Variants in MINDY3 observed in about 807,000 individuals in gnomAD.
MINDY3 encodes the protein MINDY lysine 48 deubiquitinase 3.
MINDY3 carries 38 observed loss-of-function variants against 69.2 expected under a neutral mutation model. That is an observed-to-expected ratio of 0.55 (90% CI 0.42 to 0.72). MINDY3 has a LOEUF of 0.72. MINDY3 is among the 30% of genes least tolerant of loss of function. The probability of loss-of-function intolerance (pLI) is 0.00; values close to 1 mark genes in which losing one functional copy is unlikely to be tolerated. For missense variants in MINDY3, 522 were observed against 519.0 expected, an observed-to-expected ratio of 1.01 and a Z score of -0.06; for synonymous variants, 192 against 180.1, an observed-to-expected ratio of 1.07 and a Z score of -0.53.
intron 6 of MINDY3, among the ~76,000 whole-genome samples, chr10:15,835,018 A>C (rs1832980459): frequency 6.6e-6 from 1 of 152,090 alleles, no homozygotes; most frequent in African/African-American, 2.4e-5. Context: ...ATACATACAC[A>C]CATGAATATC....
At chr10:15,815,643 G>A (rs997143565) in intron 10 of MINDY3, among the ~76,000 whole-genome samples, 8 of 152,114 alleles carry the variant, frequency 5.3e-5, no homozygotes, top group South Asian at 4.1e-4. Flanking sequence ...GATGTTTAAC[G>A]TATGTTTCTT....
chr10:15,799,962 A>AACTT (rs1034017404), intron 10 of MINDY3, among the ~76,000 whole-genome samples: 2 of 152,086 alleles, frequency 1.3e-5, no homozygotes, highest in Non-Finnish European at 2.9e-5. Context: ...AAATATTGAA[A>AACTT]ACTTATGGAA....
intron 12 of MINDY3, among the ~76,000 whole-genome samples, chr10:15,788,003 T>G (rs1020554538): frequency 1.3e-5 from 2 of 152,120 alleles, no homozygotes; most frequent in African/African-American, 4.8e-5. Flanking sequence ...AACTTCATGA[T>G]TCAAGGTACG....
chr10:15,789,962 G>A (rs1837288205), intron 11 of MINDY3, among the ~76,000 whole-genome samples: 1 of 152,264 alleles, frequency 6.6e-6, no homozygotes, highest in East Asian at 1.9e-4. Context: ...TCCTTGTGGG[G>A]TAGTTTGAAA....
intron 5 of MINDY3, chr10:15,837,524 T>C: frequency 1.4e-6 from 2 of 1,447,626 alleles, no homozygotes; most frequent in African/African-American, 2.8e-5. Flanking sequence ...ATATTTATCA[T>C]TAAGAAAGAA....
chr10:15,846,374 C>G (rs1363241991), intron 2 of MINDY3, among the ~76,000 whole-genome samples: 2 of 152,108 alleles, frequency 1.3e-5, no homozygotes, highest in African/African-American at 2.4e-5. Flanking sequence ...ATGGACATAA[C>G]AAGGAATCTT....
At chr10:15,788,368 G>T (rs1837138723) in intron 12 of MINDY3, among the ~76,000 whole-genome samples, 1 of 152,032 alleles carries the variant, frequency 6.6e-6, no homozygotes, top group African/African-American at 2.4e-5. Flanking sequence ...ATTCAGATGT[G>T]GCTAGTTTAT....
chr10:15,790,191 T>C (rs1022705922), intron 11 of MINDY3, among the ~76,000 whole-genome samples: 13 of 152,108 alleles, frequency 8.5e-5, no homozygotes, highest in Non-Finnish European at 5.9e-5. Flanking sequence ...GCAGTTGCTC[T>C]TTCAGGGTGT....
chr10:15,807,830 A>T (rs1306177194), intron 10 of MINDY3, among the ~76,000 whole-genome samples: 1 of 152,246 alleles, frequency 6.6e-6, no homozygotes, highest in Non-Finnish European at 1.5e-5. Context: ...CACAAAAACC[A>T]GAATATACAA....
rs532119215 is a variant in MINDY3 at position 15,859,841 on chromosome 10, G to C, written c.94+365C>G. 9.2e-5 allele frequency among the ~76,000 whole-genome samples: 14 copies of C among 152,316 alleles called. No individual in the cohort carries two copies. The South Asian group carries it at 1.2e-3, about 14-fold the overall frequency. ...CACCACCAATAGACAGCTCTGTTAGGGGGTAAAGATGCGGAAGGCCACAGC... is the reference window on the plus strand; with the variant it reads ...CACCACCAATAGACAGCTCTGTTAGCGGGTAAAGATGCGGAAGGCCACAGC... On this transcript the variant is annotated intron_variant, in intron 1 of 14. Transcript: ENST00000277632.
chr10:15,812,211 G>T (rs1178929132), intron 10 of MINDY3, among the ~76,000 whole-genome samples: 3 of 152,094 alleles, frequency 2.0e-5, no homozygotes, highest in African/African-American at 4.8e-5. Context: ...AAAGTGTTAG[G>T]ATTACAGGCA....
At chr10:15,779,568 AG>A (rs1030870613) in intron 14 of MINDY3, among the ~76,000 whole-genome samples, 1 of 152,188 alleles carries the variant, frequency 6.6e-6, no homozygotes, top group African/African-American at 2.4e-5. Flanking sequence ...AAAGGAATAT[AG>A]CTATTATGTT....
intron 9 of MINDY3, among the ~76,000 whole-genome samples, chr10:15,818,276 C>T (rs990838568): frequency 6.6e-6 from 1 of 151,404 alleles, no homozygotes; most frequent in African/African-American, 2.4e-5. Flanking sequence ...AGATATTAAC[C>T]TTTCTTTCAG....
chr10:15,796,136 G>C lies in MINDY3; in HGVS notation c.919C>G (p.Gln307Glu), dbSNP rs1281635881. ...TAGGTTTGAAAAACTCTTCTGGCTT[G>C]TTCTGAAGGAGCTTCAGGGGCAACT... ...ALVAPEAPSE[Q>E]ARRVFQTYDP... Residue 307 changes from glutamine (Q) to glutamate (E), a missense_variant, in exon 11 of 15, where the codon CAA (glutamine) becomes GAA (glutamate). Physicochemically the swap from Gln to Glu is conservative, Grantham distance 29 (BLOSUM62 2). Coordinates refer to ENST00000277632, the MANE Select transcript of MINDY3 (RefSeq NM_024948.4). 1 of 1,612,706 alleles carries C rather than the reference G, an allele frequency of 6.2e-7. No individual in the cohort carries two copies. Among genetic ancestry groups the C allele is most frequent in the South Asian group, 1.1e-5 (1 of 90,984 alleles).
At chr10:15,797,798 G>A (rs1029158165) in intron 10 of MINDY3, among the ~76,000 whole-genome samples, 1 of 152,110 alleles carries the variant, frequency 6.6e-6, no homozygotes, top group Non-Finnish European at 1.5e-5. Flanking sequence ...AGCAATTGCT[G>A]ACATGTGGGT....
intron 8 of MINDY3, among the ~76,000 whole-genome samples, chr10:15,827,538 G>A (rs546947355): frequency 7.9e-5 from 11 of 139,388 alleles, no homozygotes; most frequent in East Asian, 5.9e-4. Context: ...GTGAGACTCC[G>A]TCTCAATAAA....
At chr10:15,803,478 T>C (rs1408920996) in intron 10 of MINDY3, among the ~76,000 whole-genome samples, 2 of 152,298 alleles carry the variant, frequency 1.3e-5, no homozygotes, top group Non-Finnish European at 2.9e-5. Flanking sequence ...TTTCTTATTG[T>C]ACATAAAATG....
At chr10:15,807,133 C>T (rs915815468) in intron 10 of MINDY3, among the ~76,000 whole-genome samples, 2 of 152,140 alleles carry the variant, frequency 1.3e-5, no homozygotes, top group African/African-American at 2.4e-5. Context: ...ATGAGGAATG[C>T]TCCTGAGATG....
intron 14 of MINDY3, among the ~76,000 whole-genome samples, chr10:15,779,603 A>C (rs1836363094): frequency 6.6e-6 from 1 of 152,220 alleles, no homozygotes; most frequent in African/African-American, 2.4e-5. Context: ...GTCTCCTTCT[A>C]ATTTAAGTAT....
Sources: gnomAD v4.1 joint callset for allele counts (sites outside exome capture counted in the v4.1 genomes callset) on GRCh38, gnomAD v4.1.1 for gene constraint, MANE v1.5 for transcripts, NCBI Gene and HGNC (gene_info 2026-07-23, HGNC 2026-07-21) for gene names.